The following KIF6 variants were observed in gnomAD, a reference collection of about 807,000 sequenced individuals.
The protein encoded by KIF6 is kinesin-like protein KIF6.
A neutral mutation model predicts 112.7 loss-of-function variants in KIF6; 106 were observed. The ratio of observed to expected loss-of-function variants is 0.94; its 90% CI spans 0.80 to 1.11. The LOEUF is 1.11. KIF6 is among the 50% of genes least tolerant of loss of function. The probability of loss-of-function intolerance (pLI) is 0.00; values close to 1 mark genes in which losing one functional copy is unlikely to be tolerated. For missense variants in KIF6, 929 were observed against 964.0 expected, an observed-to-expected ratio of 0.96 and a Z score of 0.48; for synonymous variants, 339 against 339.9, an observed-to-expected ratio of 1.00 and a Z score of 0.03.
At chr6:39,577,498 T>G (rs916930128) in intron 10 of KIF6, among the ~76,000 whole-genome samples, 7 of 152,228 alleles carry the variant, frequency 4.6e-5, no homozygotes, top group African/African-American at 1.7e-4. Context: ...GAGAGCCACA[T>G]TGCACCACTG....
At chr6:39,418,311 C>A (rs978649876) in intron 15 of KIF6, among the ~76,000 whole-genome samples, 21 of 152,224 alleles carry the variant, frequency 1.4e-4, no homozygotes, top group African/African-American at 4.8e-4. Flanking sequence ...GATGACCTTA[C>A]GGACCCCTTC....
At chr6:39,405,367 C>A (rs891225535) in intron 15 of KIF6, among the ~76,000 whole-genome samples, 1 of 152,184 alleles carries the variant, frequency 6.6e-6, no homozygotes, top group Non-Finnish European at 1.5e-5. Flanking sequence ...AGATGTCCTT[C>A]ATCAGGTTGA....
At position 39,384,441 on chromosome 6, in the gene KIF6, C is replaced by G. The variant is rs146611722; in HGVS notation, c.1861+1181G>C. Among the ~76,000 whole-genome samples the G allele has an allele frequency of 7.9e-4, 120 of 152,270 alleles. 3 individuals carry two copies. The highest frequency in any genetic ancestry group is 2.4e-3 in the African/African-American group (100 of 41,548). On this transcript the variant is annotated intron_variant, in intron 16 of 22. Coordinates refer to ENST00000287152, the MANE Select transcript of KIF6 (RefSeq NM_145027.6). ...CAGAATCTCAATGCTAAGTGTGTGC[C>G]CAAGTCTCTGGCGCTGGGAGGGCAG...
intron 13 of KIF6, among the ~76,000 whole-genome samples, chr6:39,527,905 T>A (rs557957016): frequency 6.6e-6 from 1 of 152,382 alleles, no homozygotes; most frequent in Admixed American, 6.5e-5. Context: ...GATTTATGAA[T>A]TCAATGTGGA....
At chr6:39,505,216 C>G (rs1776361412) in intron 13 of KIF6, among the ~76,000 whole-genome samples, 1 of 152,194 alleles carries the variant, frequency 6.6e-6, no homozygotes, top group African/African-American at 2.4e-5. Flanking sequence ...ACCATCTGAT[C>G]TTCAATAAAT....
In KIF6 at chr6:39,641,847, T is replaced by G. The variant is rs546295720; in HGVS notation, c.252-2090A>C. On this transcript the variant is annotated intron_variant, in intron 3 of 22. Transcript: ENST00000287152. Reference sequence around the variant, plus strand: ...TGCCAGTTGTCCTAGTATGTCTGTCTTTAATATGTGCTCCCCCTACCCCCA... The same window carrying G: ...TGCCAGTTGTCCTAGTATGTCTGTCGTTAATATGTGCTCCCCCTACCCCCA... 4.1e-4 allele frequency among the ~76,000 whole-genome samples: 63 copies of G among 152,304 alleles called. 1 individual carries two copies. The highest frequency in any genetic ancestry group is 1.4e-3 in the African/African-American group (59 of 41,584).
chr6:39,682,060 T>C (rs76558299), intron 3 of KIF6, among the ~76,000 whole-genome samples: 2 of 152,344 alleles, frequency 1.3e-5, no homozygotes, highest in East Asian at 3.9e-4. Flanking sequence ...CAGGCACTGG[T>C]CTCACTGCTA....
At chr6:39,616,968 C>G (rs753305081) in intron 5 of KIF6, among the ~76,000 whole-genome samples, 31 of 152,264 alleles carry the variant, frequency 2.0e-4, no homozygotes, top group Non-Finnish European at 3.4e-4. Context: ...AATCCTTAAT[C>G]TACCACTTGG....
At chr6:39,337,502 G>C (rs1763098246) in intron 22 of KIF6, among the ~76,000 whole-genome samples, 1 of 151,832 alleles carries the variant, frequency 6.6e-6, no homozygotes, top group African/African-American at 2.4e-5. Context: ...TACTAGAGAT[G>C]GGGTTTCACC....
intron 13 of KIF6, among the ~76,000 whole-genome samples, chr6:39,455,771 C>G (rs1225445621): frequency 1.3e-5 from 2 of 151,726 alleles, no homozygotes; most frequent in Non-Finnish European, 2.9e-5. Context: ...AGGGTATCAA[C>G]AATGGAAGAT....
intron 9 of KIF6, among the ~76,000 whole-genome samples, chr6:39,582,816 G>A (rs1371935033): frequency 6.6e-6 from 1 of 152,148 alleles, no homozygotes; most frequent in African/African-American, 2.4e-5. Context: ...TGCCACCCAA[G>A]TTTTGTCTTG....
chr6:39,655,227 G>A (rs1241624612), intron 3 of KIF6, among the ~76,000 whole-genome samples: 2 of 152,038 alleles, frequency 1.3e-5, no homozygotes, highest in Non-Finnish European at 2.9e-5. Context: ...TTCACGTTAA[G>A]CATACTTTTA....
At chr6:39,535,163 A>G (rs942161503) in intron 13 of KIF6, among the ~76,000 whole-genome samples, 13 of 152,246 alleles carry the variant, frequency 8.5e-5, no homozygotes, top group Non-Finnish European at 1.6e-4. Flanking sequence ...ACTAAGGAGC[A>G]AAATAACCAG....
chr6:39,457,912 A>G (rs984104689), intron 13 of KIF6, among the ~76,000 whole-genome samples: 1 of 150,484 alleles, frequency 6.6e-6, no homozygotes, highest in African/African-American at 2.5e-5. Flanking sequence ...CCAGGACCAG[A>G]TGGATTCACA....
Position 39,714,950 on chromosome 6 carries a change from ATGG to A in KIF6, c.177-187_177-185del. The A allele has an allele frequency of 7.2e-6, 4 of 552,428 alleles. No homozygotes were observed. In the East Asian group the frequency reaches 9.1e-5, roughly 13 times the overall value. The allele number at this position is 552,428 out of a possible 1,614,324, so 34.2% of individuals were successfully genotyped here. A position where few individuals can be genotyped will look rare whatever the true frequency, so the allele number is the denominator to read the frequency against. ...TGTGCTGTTGTACTCCTGTATACAA[ATGG>A]TGGGTAAACAGTATTGCTTTGACAA... On this transcript the variant is annotated intron_variant, in intron 2 of 22. Transcript: ENST00000287152.
intron 3 of KIF6, among the ~76,000 whole-genome samples, chr6:39,669,660 T>C (rs1475405597): frequency 6.6e-6 from 1 of 152,248 alleles, no homozygotes; most frequent in Admixed American, 6.5e-5. Flanking sequence ...GCTTTGTACC[T>C]CAAACAAGAT....
intron 18 of KIF6, among the ~76,000 whole-genome samples, chr6:39,359,446 G>T (rs1764960469): frequency 6.6e-6 from 1 of 152,112 alleles, no homozygotes; most frequent in South Asian, 2.1e-4. Flanking sequence ...AGCGATAGGA[G>T]ATTAAAACAT....
chr6:39,649,499 C>T (rs776047427), intron 3 of KIF6, among the ~76,000 whole-genome samples: 1 of 152,092 alleles, frequency 6.6e-6, no homozygotes, highest in Non-Finnish European at 1.5e-5. Flanking sequence ...AAGAAAGAGA[C>T]CCACAGGCAA....
chr6:39,485,115 T>C (rs1775039690), intron 13 of KIF6, among the ~76,000 whole-genome samples: 1 of 152,174 alleles, frequency 6.6e-6, no homozygotes, highest in South Asian at 2.1e-4. Flanking sequence ...GCATAGTGAG[T>C]AGAAAAGGAC....
Sources: gnomAD v4.1 joint callset for allele counts (sites outside exome capture counted in the v4.1 genomes callset) on GRCh38, gnomAD v4.1.1 for gene constraint, MANE v1.5 for transcripts, NCBI Gene and HGNC (gene_info 2026-07-23, HGNC 2026-07-21) for gene names.